CNTN5: variants seen among roughly 807,000 people sequenced by gnomAD.
CNTN5 encodes the protein contactin 5.
In CNTN5, 77 loss-of-function variants were observed where a neutral mutation model predicts 129.1. The observed-to-expected ratio is 0.60, with a 90% CI of 0.50 to 0.72. The LOEUF (loss-of-function observed/expected upper bound fraction) is 0.72. Ranked by LOEUF, CNTN5 falls within the 30% of genes least tolerant of loss-of-function variation. CNTN5 has a pLI of 0.00. For missense variants in CNTN5, 1,478 were observed against 1,328.8 expected, an observed-to-expected ratio of 1.11 and a Z score of -1.75; for synonymous variants, 509 against 465.6, an observed-to-expected ratio of 1.09 and a Z score of -1.20.
chr11:99,712,230 T>C (rs1438501358), intron 3 of CNTN5, among the ~76,000 whole-genome samples: 1 of 152,210 alleles, frequency 6.6e-6, no homozygotes, highest in African/African-American at 2.4e-5. Flanking sequence ...TAATGACCAG[T>C]GATGATGAGC....
chr11:100,192,807 T>TAAAC lies in CNTN5; in HGVS notation c.1709-679_1709-676dup, dbSNP rs796275594. On this transcript the variant is annotated intron_variant, in intron 14 of 24. Transcript: ENST00000524871. ...AACTGAATCATTAAGGAGTTAAACA[T>TAAAC]AAACATTGTTTTCTAAAAACATTTC... Among the ~76,000 whole-genome samples the TAAAC allele has an allele frequency of 2.0e-5, 3 of 152,122 alleles. No individual in the cohort carries two copies. In the South Asian group the frequency reaches 6.2e-4, roughly 32 times the overall value.
intron 13 of CNTN5, among the ~76,000 whole-genome samples, chr11:100,157,827 A>G (rs1486474944): frequency 6.6e-6 from 1 of 151,834 alleles, no homozygotes; most frequent in African/African-American, 2.4e-5. Flanking sequence ...CAGTGGTGAT[A>G]TTCCAGATCT....
At chr11:99,067,126 C>T (rs1255987137) in intron 1 of CNTN5, among the ~76,000 whole-genome samples, 2 of 152,138 alleles carry the variant, frequency 1.3e-5, no homozygotes, top group East Asian at 3.9e-4. Context: ...ACCAAGGACA[C>T]TGACTAATAC....
At chr11:100,183,628 G>C (rs560900125) in intron 13 of CNTN5, among the ~76,000 whole-genome samples, 2 of 152,084 alleles carry the variant, frequency 1.3e-5, no homozygotes, top group Non-Finnish European at 1.5e-5. Context: ...GGTTAGAAGG[G>C]GCTGGGGGAA....
At chr11:100,244,161 T>C (rs1949796318) in intron 16 of CNTN5, among the ~76,000 whole-genome samples, 1 of 152,214 alleles carries the variant, frequency 6.6e-6, no homozygotes. Context: ...CCTACACCTT[T>C]ATGGACTCTT....
chr11:99,878,398 G>T (rs2135844675), intron 6 of CNTN5, among the ~76,000 whole-genome samples: 1 of 152,222 alleles, frequency 6.6e-6, no homozygotes, highest in South Asian at 2.1e-4. Flanking sequence ...GGGATAAATA[G>T]TTATTGTACA....
chr11:99,240,027 T>C (rs897143300), intron 1 of CNTN5, among the ~76,000 whole-genome samples: 1 of 152,222 alleles, frequency 6.6e-6, no homozygotes, highest in Non-Finnish European at 1.5e-5. Context: ...TAAGTAGCCC[T>C]TGTTCCAGAT....
intron 6 of CNTN5, among the ~76,000 whole-genome samples, chr11:99,907,854 G>C (rs1391193889): frequency 6.6e-6 from 1 of 151,926 alleles, no homozygotes; most frequent in Non-Finnish European, 1.5e-5. Context: ...TGCTCTTAGA[G>C]TATCAAATCA....
chr11:99,584,483 G>T (rs1265872602), intron 3 of CNTN5, among the ~76,000 whole-genome samples: 1 of 152,122 alleles, frequency 6.6e-6, no homozygotes, highest in Non-Finnish European at 1.5e-5. Flanking sequence ...TCTTGACATT[G>T]TTACTAATGG....
chr11:99,530,694 G>T (rs1947666392), intron 2 of CNTN5, among the ~76,000 whole-genome samples: 1 of 152,138 alleles, frequency 6.6e-6, no homozygotes, highest in Non-Finnish European at 1.5e-5. Flanking sequence ...TGAATCATGG[G>T]GGCCAGTCTT....
chr11:99,312,567 T>A (rs907325065), intron 1 of CNTN5, among the ~76,000 whole-genome samples: 8 of 152,272 alleles, frequency 5.3e-5, no homozygotes, highest in African/African-American at 1.9e-4. Flanking sequence ...AGTCAGACAG[T>A]TAAGAAAATT....
Position 99,755,018 on chromosome 11 carries a change from G to A in CNTN5, c.56-64526G>A, listed in dbSNP as rs76220750. Among the ~76,000 whole-genome samples the A allele has an allele frequency of 6.0e-3, 909 of 152,110 alleles. 8 individuals carry two copies. The highest frequency in any genetic ancestry group is 9.6e-3 in the Non-Finnish European group (652 of 67,976). ...TATTATAGTTGGAATCATACAGTAG[G>A]TAGTATTTTCTGGTTAACTTCTTTG... On this transcript the variant is annotated intron_variant, in intron 3 of 24. Coordinates refer to ENST00000524871, the MANE Select transcript of CNTN5 (RefSeq NM_014361.4).
intron 23 of CNTN5, 137 bp from the exon 24 acceptor site, chr11:100,350,565 C>G: frequency 1.7e-6 from 1 of 575,458 alleles, no homozygotes; most frequent in Non-Finnish European, 3.0e-6. Context: ...GTAGACTGCA[C>G]ATGTATTACA....
chr11:99,340,171 T>C (rs1336837317), intron 2 of CNTN5, among the ~76,000 whole-genome samples: 1 of 152,122 alleles, frequency 6.6e-6, no homozygotes, highest in Non-Finnish European at 1.5e-5. Context: ...CTTGTTGAGA[T>C]TGGGCAAGTG....
chr11:99,532,154 A>G (rs1947734597), intron 2 of CNTN5, among the ~76,000 whole-genome samples: 1 of 152,112 alleles, frequency 6.6e-6, no homozygotes, highest in Admixed American at 6.5e-5. Context: ...TCCCAAGACC[A>G]TGGCAATACA....
intron 6 of CNTN5, among the ~76,000 whole-genome samples, 190 bp from the exon 7 acceptor site, chr11:99,915,864 G>A (rs1165982826): frequency 6.6e-6 from 1 of 152,106 alleles, no homozygotes; most frequent in Non-Finnish European, 1.5e-5. Context: ...TCTATGGGTG[G>A]TATAGATTTA....
intron 1 of CNTN5, among the ~76,000 whole-genome samples, chr11:99,118,604 A>C (rs565746090): frequency 1.3e-5 from 2 of 152,248 alleles, no homozygotes; most frequent in Admixed American, 6.5e-5. Flanking sequence ...TTTTATTGAA[A>C]AAAATGTATT....
intron 23 of CNTN5, among the ~76,000 whole-genome samples, chr11:100,343,171 A>G (rs1321435909): frequency 6.6e-6 from 1 of 152,234 alleles, no homozygotes; most frequent in African/African-American, 2.4e-5. Flanking sequence ...ATCACAAGTC[A>G]TGTTGGAATA....
chr11:99,124,278 C>CT (rs1316229690), intron 1 of CNTN5, among the ~76,000 whole-genome samples: 3 of 151,914 alleles, frequency 2.0e-5, no homozygotes, highest in Admixed American at 1.3e-4. Context: ...GCATTTTATT[C>CT]TTTTTGTGGC....
Sources: allele counts gnomAD v4.1 joint callset (sites outside exome capture counted in the v4.1 genomes callset), GRCh38; gene constraint gnomAD v4.1.1; transcripts MANE v1.5; gene names NCBI Gene and HGNC (gene_info 2026-07-23, HGNC 2026-07-21).